Variants in PKN2 observed in about 807,000 individuals in gnomAD.
The protein encoded by PKN2 is serine/threonine-protein kinase N2.
A neutral mutation model predicts 119.1 loss-of-function variants in PKN2; 38 were observed. That is an observed-to-expected ratio of 0.32 (90% confidence interval 0.25 to 0.42). The LOEUF is 0.42. PKN2 is among the 10% of genes least tolerant of loss of function. The pLI is 1.00. For synonymous variants in PKN2, 390 were observed against 384.9 expected, an observed-to-expected ratio of 1.01 and a Z score of -0.15; for missense variants, 850 against 1,165.1, an observed-to-expected ratio of 0.73 and a Z score of 3.94.
At chr1:88,814,670 A>G (rs1671914660) in intron 16 of PKN2, among the ~76,000 whole-genome samples, 1 of 152,146 alleles carries the variant, frequency 6.6e-6, no homozygotes, top group African/African-American at 2.4e-5. Context: ...TTTATTAAAC[A>G]GCAATACCAG....
chr1:88,776,445 T>TA (rs1209742183), intron 6 of PKN2, among the ~76,000 whole-genome samples: 2 of 151,326 alleles, frequency 1.3e-5, no homozygotes, highest in South Asian at 2.1e-4. Context: ...TTCCAGCACT[T>TA]AAAAAAATGT....
chr1:88,716,269 G>A (rs1250077853), intron 1 of PKN2, among the ~76,000 whole-genome samples: 2 of 152,204 alleles, frequency 1.3e-5, no homozygotes, highest in Admixed American at 6.5e-5. Flanking sequence ...TGTATATTCT[G>A]TTGATTTGGG....
intron 1 of PKN2, among the ~76,000 whole-genome samples, chr1:88,690,963 C>T (rs933991633): frequency 6.6e-6 from 1 of 152,096 alleles, no homozygotes; most frequent in African/African-American, 2.4e-5. Context: ...TCATAAGTAC[C>T]TTAATTTAAT....
chr1:88,745,978 A>G lies in PKN2; in HGVS notation c.349+4690A>G, dbSNP rs1439806528. Among the ~76,000 whole-genome samples the G allele has an allele frequency of 1.9e-4, 29 of 152,156 alleles. 1 individual carries two copies. The highest frequency in any genetic ancestry group is 5.9e-5 in the Non-Finnish European group (4 of 67,996). ...AAGCTGCCAAGAACACACGGTGGGGACTGGACAGTCTTCAATAAATGGTGT... is the reference window on the plus strand; with the variant it reads ...AAGCTGCCAAGAACACACGGTGGGGGCTGGACAGTCTTCAATAAATGGTGT... On this transcript the variant is annotated intron_variant, in intron 2 of 21. Transcript: ENST00000370521.
intron 1 of PKN2, among the ~76,000 whole-genome samples, chr1:88,711,348 C>T (rs776182289): frequency 7.9e-5 from 12 of 152,000 alleles, no homozygotes; most frequent in South Asian, 4.2e-4. Flanking sequence ...TTCCACTTCC[C>T]GCCATTAATA....
At chr1:88,741,312 T>C (rs779664248) in intron 2 of PKN2, 24 bp downstream of exon 2, 11 of 1,380,822 alleles carry the variant, frequency 8.0e-6, no homozygotes, top group South Asian at 1.5e-5. Context: ...TTATTTGATG[T>C]TTATATGGTA....
chr1:88,793,763 A>G (rs937328053), intron 8 of PKN2, among the ~76,000 whole-genome samples: 7 of 152,186 alleles, frequency 4.6e-5, no homozygotes, highest in Middle Eastern at 3.2e-3. Flanking sequence ...TCATCTCTAC[A>G]GTAATTATAA....
At chr1:88,780,006 G>T (rs1670270617) in intron 6 of PKN2, among the ~76,000 whole-genome samples, 1 of 152,174 alleles carries the variant, frequency 6.6e-6, no homozygotes, top group East Asian at 1.9e-4. Flanking sequence ...ACAGTTTCAG[G>T]GTTAGGTGGA....
chr1:88,792,263 A>T lies in PKN2; in HGVS notation c.1281+6050A>T, dbSNP rs149033634. Among the ~76,000 whole-genome samples, 374 of 152,172 alleles carry T rather than the reference A, an allele frequency of 2.5e-3. 1 individual carries two copies. Among genetic ancestry groups the T allele is most frequent in the African/African-American group, 8.7e-3 (362 of 41,524 alleles). On this transcript the variant is annotated intron_variant, in intron 8 of 21. Transcript: ENST00000370521. The stretch of plus-strand genomic sequence containing the variant: ...CTACTAAAAATACAAAATTAGCTGG[A>T]CATAGTGGCGCATGCCTGTAACCCA...
chr1:88,762,854 C>A (rs946902323), intron 3 of PKN2, among the ~76,000 whole-genome samples: 1 of 152,116 alleles, frequency 6.6e-6, no homozygotes, highest in African/African-American at 2.4e-5. Flanking sequence ...TGGGTGAATG[C>A]AGTATATACA....
intron 15 of PKN2, 59 bp downstream of exon 15, chr1:88,807,834 T>A (rs1316240365): frequency 5.2e-6 from 5 of 959,590 alleles, no homozygotes; most frequent in Non-Finnish European, 8.1e-6. Flanking sequence ...AGAGAAATGA[T>A]ATATGTATTA....
chr1:88,781,053 C>A (rs1670319608), intron 6 of PKN2: 2 of 1,052,108 alleles, frequency 1.9e-6, no homozygotes, highest in Admixed American at 4.7e-5. Context: ...TTAAAAAATT[C>A]TTTAAGCTCC....
intron 1 of PKN2, among the ~76,000 whole-genome samples, chr1:88,703,205 T>C (rs1216212214): frequency 1.3e-5 from 2 of 152,182 alleles, no homozygotes; most frequent in East Asian, 3.8e-4. Context: ...AACCAAAGTT[T>C]TTTTTTAATG....
chr1:88,745,971 G>A (rs561752311), intron 2 of PKN2, among the ~76,000 whole-genome samples: 3 of 152,204 alleles, frequency 2.0e-5, no homozygotes, highest in South Asian at 4.1e-4. Flanking sequence ...AAGAACACAC[G>A]GTGGGGACTG....
rs17130597 is a variant in PKN2, at chr1:88,761,158, G to A, written c.504+782G>A. Among the ~76,000 whole-genome samples, 929 of 152,126 alleles carry A rather than the reference G, an allele frequency of 6.1e-3. 9 individuals carry two copies. Among genetic ancestry groups the A allele is most frequent in the African/African-American group, 0.022 (904 of 41,512 alleles). On this transcript the variant is annotated intron_variant, in intron 3 of 21. Coordinates refer to ENST00000370521, the MANE Select transcript of PKN2 (RefSeq NM_006256.4). ...AATAAGAACATGTCCTTGTTGTTAG[G>A]TATAATGCAGCAAAAAAAATGTTGT... is the stretch of plus-strand genomic sequence containing the variant.
At chr1:88,736,777 C>T (rs528666682) in intron 1 of PKN2, among the ~76,000 whole-genome samples, 4 of 152,206 alleles carry the variant, frequency 2.6e-5, no homozygotes, top group South Asian at 2.1e-4. Context: ...CTAAGCAGGG[C>T]GATTATTGTG....
rs1672832734 is a variant in PKN2 at position 88,833,819 on chromosome 1, A to G, written c.*371A>G. Reference sequence around the variant, plus strand: ...GCCTTAAGTGGAAGGAAAGTTAATCACTTAACTATGTTTTATAAAAAGAAA... The same window carrying G: ...GCCTTAAGTGGAAGGAAAGTTAATCGCTTAACTATGTTTTATAAAAAGAAA... On this transcript the variant is annotated 3_prime_UTR_variant, in exon 22 of 22. Transcript: ENST00000370521. 1 of 171,446 alleles carries G rather than the reference A, an allele frequency of 5.8e-6. No homozygotes were observed. Among genetic ancestry groups the G allele is most frequent in the African/African-American group, 2.4e-5 (1 of 41,806 alleles). 10.6% of individuals were successfully genotyped at this position (171,446 alleles called of 1,614,324 possible).
At chr1:88,819,746 T>G (rs1331810403) in intron 16 of PKN2, among the ~76,000 whole-genome samples, 1 of 152,118 alleles carries the variant, frequency 6.6e-6, no homozygotes, top group African/African-American at 2.4e-5. Context: ...TAGCAAAGAC[T>G]TGGAACCAAC....
chr1:88,748,943 A>T (rs1170540600), intron 2 of PKN2, among the ~76,000 whole-genome samples: 1 of 152,126 alleles, frequency 6.6e-6, no homozygotes, highest in Non-Finnish European at 1.5e-5. Flanking sequence ...AAAGAAGGAA[A>T]TAAACTGCCA....
Sources: allele counts gnomAD v4.1 joint callset (sites outside exome capture counted in the v4.1 genomes callset), GRCh38; gene constraint gnomAD v4.1.1; transcripts MANE v1.5; gene names NCBI Gene and HGNC (gene_info 2026-07-23, HGNC 2026-07-21).